Variants in RASAL2 observed in about 807,000 individuals in gnomAD.
RASAL2 encodes the protein ras GTPase-activating protein nGAP.
A neutral mutation model predicts 128.9 loss-of-function variants in RASAL2; 58 were observed. The observed-to-expected ratio is 0.45, with a 90% confidence interval of 0.36 to 0.56. The LOEUF is 0.56. RASAL2 is among the 20% of genes least tolerant of loss of function. The pLI is 0.00. For missense variants in RASAL2, 1,360 were observed against 1,601.6 expected (o/e 0.85, Z 2.57); for synonymous variants, 561 against 580.8 (o/e 0.97, Z 0.49).
intron 1 of RASAL2, among the ~76,000 whole-genome samples, chr1:178,120,197 G>T (rs1007329220): frequency 1.3e-5 from 2 of 152,190 alleles, no homozygotes; most frequent in African/African-American, 4.8e-5. Context: ...ATCAAATATT[G>T]TACAAAGTGG....
Position 178,457,846 on chromosome 1 carries a change from G to A in RASAL2, c.2554G>A (p.Asp852Asn). 6.2e-7 allele frequency: 1 copy of A among 1,614,168 alleles called. No individual in the cohort carries two copies. ...LPNGRSVSLM[D>N]LQDTHAAQVE... ...TAATGGTCGGAGCGTCTCCCTCATG[G>A]ACCTCCAGGACACTCATGCTGCTCA... The change falls in exon 14 of 18, where the codon GAC becomes AAC. Residue 852 changes from aspartate to asparagine, a missense_variant. This residue lies in a region of RASAL2 where 741 missense variants were observed against 868.6 expected (regional missense o/e 0.85). Coordinates refer to ENST00000367649, the MANE Select transcript of RASAL2 (RefSeq NM_170692.4).
intron 3 of RASAL2, among the ~76,000 whole-genome samples, chr1:178,352,348 T>G (rs1212536003): frequency 6.6e-6 from 1 of 152,236 alleles, no homozygotes. Context: ...GCAAGTATTC[T>G]TGGGGCAAAC....
In RASAL2 at chr1:178,257,496, C is replaced by T. The variant is rs1000034604; in HGVS notation, c.203-26068C>T. Reference sequence around the variant, plus strand: ...GTGTCTAATAAAACTAATTGATTTTCGACAAGGTTATCAAGACCACTCATC... The same window carrying T: ...GTGTCTAATAAAACTAATTGATTTTTGACAAGGTTATCAAGACCACTCATC... On this transcript the variant is annotated intron_variant, in intron 1 of 17. Transcript: ENST00000367649. 4.6e-5 allele frequency among the ~76,000 whole-genome samples: 7 copies of T among 150,888 alleles called. No individual in the cohort carries two copies. The East Asian group carries it at 1.4e-3, about 30-fold the overall frequency.
intron 3 of RASAL2, among the ~76,000 whole-genome samples, chr1:178,362,600 A>C (rs9970470): frequency 0.072 from 10,876 of 152,110 alleles, 772 homozygotes; most frequent in African/African-American, 0.18. Context: ...TTTAGCCTAC[A>C]TAGCTGCAAA....
intron 3 of RASAL2, among the ~76,000 whole-genome samples, chr1:178,366,579 T>TTCCCCCC (rs1671409672): frequency 3.2e-5 from 1 of 31,114 alleles, no homozygotes. Flanking sequence ...ACTTGGTACC[T>TTCCCCCC]CCCACCCCCC....
At position 178,214,198 on chromosome 1, in the gene RASAL2, A is replaced by G. The variant is rs761669141; in HGVS notation, c.203-69366A>G. Among the ~76,000 whole-genome samples the G allele has an allele frequency of 6.9e-4, 105 of 152,290 alleles. 1 individual carries two copies. The highest frequency in any genetic ancestry group is 1.4e-3 in the Admixed American group (21 of 15,298). ...AGCAAGTGGATCACTTGAGTCTAGG[A>G]GTTCAAGGCTATAGTGAACGAGCTA... On this transcript the variant is annotated intron_variant, in intron 1 of 17. Transcript: ENST00000367649.
Position 178,445,549 on chromosome 1 carries a change from T to C in RASAL2, c.1514T>C (p.Val505Ala). 6.2e-7 allele frequency: 1 copy of C among 1,613,828 alleles called. No individual in the cohort carries two copies. The highest frequency in any genetic ancestry group is 8.5e-7 in the Non-Finnish European group (1 of 1,179,776). The change falls in exon 9 of 18, where the codon GTG becomes GCG. Residue 505 changes from valine to alanine, a missense_variant. Around this residue, in one of 3 missense-constraint regions of RASAL2, gnomAD observed 617 missense variants for 714.2 expected, o/e 0.86. Transcript: ENST00000367649. ...DFLTDLVMSE[V>A]DRCGEHDVLI... ...CTGACTGACTTGGTGATGTCTGAGGTGGATCGTTGTGGAGAGCATGATGTC... is the reference window on the plus strand; with the variant it reads ...CTGACTGACTTGGTGATGTCTGAGGCGGATCGTTGTGGAGAGCATGATGTC...
At position 178,305,373 on chromosome 1, in the gene RASAL2, G is replaced by A. The variant is rs1158408019; in HGVS notation, c.457+5255G>A. ...CTGAGCAAAAGGAACAAAACTAGAGGAATCACATTACCTGAGTTCAAATTA... is the reference window on the plus strand; with the variant it reads ...CTGAGCAAAAGGAACAAAACTAGAGAAATCACATTACCTGAGTTCAAATTA... On this transcript the variant is annotated intron_variant, in intron 3 of 17. Coordinates refer to ENST00000367649, the MANE Select transcript of RASAL2 (RefSeq NM_170692.4). Among the ~76,000 whole-genome samples the A allele has an allele frequency of 3.9e-5, 6 of 152,158 alleles. No homozygotes were observed. The South Asian group carries it at 8.3e-4, about 21-fold the overall frequency.
At chr1:178,098,319 A>G (rs1416313826) in intron 1 of RASAL2, among the ~76,000 whole-genome samples, 1 of 152,248 alleles carries the variant, frequency 6.6e-6, no homozygotes, top group East Asian at 1.9e-4. Context: ...AAACAAAGGC[A>G]TGCCACAAAC....
At chr1:178,465,817 A>AAT in intron 15 of RASAL2, 103 bp from the exon 16 acceptor site, 3 of 1,100,304 alleles carry the variant, frequency 2.7e-6, no homozygotes, top group African/African-American at 2.2e-5. Context: ...AAAAGAAAAA[A>AAT]GAAAAAGAAA....
chr1:178,365,638 A>AGTGT (rs1671359561), intron 3 of RASAL2, among the ~76,000 whole-genome samples: 3 of 151,752 alleles, frequency 2.0e-5, no homozygotes, highest in Non-Finnish European at 4.4e-5. Flanking sequence ...TGCCCAGGTA[A>AGTGT]TTTTTTGTGT....
At chr1:178,209,818 T>A (rs796536237) in intron 1 of RASAL2, among the ~76,000 whole-genome samples, 11 of 152,180 alleles carry the variant, frequency 7.2e-5, no homozygotes, top group African/African-American at 2.6e-4. Context: ...TATATTTTGC[T>A]TTTCTAATTT....
intron 3 of RASAL2, among the ~76,000 whole-genome samples, chr1:178,323,962 C>T (rs914164846): frequency 3.6e-4 from 55 of 152,152 alleles, no homozygotes; most frequent in African/African-American, 1.1e-3. Flanking sequence ...AACTAGAACA[C>T]ATTCTGTCTG....
At chr1:178,119,085 C>G (rs1413519594) in intron 1 of RASAL2, among the ~76,000 whole-genome samples, 1 of 152,154 alleles carries the variant, frequency 6.6e-6, no homozygotes, top group Non-Finnish European at 1.5e-5. Flanking sequence ...CCAGGTTGGT[C>G]TCGAACTCCT....
intron 5 of RASAL2, among the ~76,000 whole-genome samples, chr1:178,423,204 T>C (rs1054230637): frequency 5.3e-5 from 8 of 152,168 alleles, no homozygotes; most frequent in African/African-American, 1.9e-4. Context: ...CACTTCTCTA[T>C]TGATGGATAT....
At chr1:178,311,196 A>G (rs1668227453) in intron 3 of RASAL2, among the ~76,000 whole-genome samples, 2 of 151,910 alleles carry the variant, frequency 1.3e-5, no homozygotes, top group African/African-American at 2.4e-5. Context: ...TTTTAAAGAC[A>G]TGATCCATCA....
intron 1 of RASAL2, among the ~76,000 whole-genome samples, chr1:178,232,937 T>G (rs896163679): frequency 8.5e-5 from 13 of 152,308 alleles, no homozygotes; most frequent in African/African-American, 2.9e-4. Context: ...TGTTGTTGTT[T>G]TTATTTCACT....
intron 2 of RASAL2, among the ~76,000 whole-genome samples, chr1:178,296,129 ATATATATGTG>A (rs1667495366): frequency 4.3e-5 from 5 of 116,948 alleles, no homozygotes; most frequent in African/African-American, 2.8e-4. Context: ...ATATATGTGT[ATATATATGTG>A]TGTGTATATA....
intron 1 of RASAL2, among the ~76,000 whole-genome samples, chr1:178,239,549 A>G (rs1312921927): frequency 6.6e-6 from 1 of 152,092 alleles, no homozygotes; most frequent in Non-Finnish European, 1.5e-5. Flanking sequence ...TATTTAATAA[A>G]TCTTTCTTTG....
Sources: allele counts gnomAD v4.1 joint callset (sites outside exome capture counted in the v4.1 genomes callset), GRCh38; gene constraint gnomAD v4.1.1; regional missense constraint gnomAD v4.1.1; transcripts MANE v1.5; gene names NCBI Gene and HGNC (gene_info 2026-07-23, HGNC 2026-07-21).